Variants in LRRN1 observed in about 807,000 individuals in gnomAD.
LRRN1 encodes the protein leucine rich repeat neuronal 1.
In LRRN1, 14 loss-of-function variants were observed where a neutral mutation model predicts 45.8. The ratio of observed to expected loss-of-function variants is 0.31; its 90% CI spans 0.20 to 0.48. The LOEUF (loss-of-function observed/expected upper bound fraction) is 0.48, where lower values mean the gene tolerates loss of function less well. Ranked by LOEUF, LRRN1 falls within the 20% of genes least tolerant of loss-of-function variation. The pLI, the probability that LRRN1 is intolerant of heterozygous loss-of-function variation, is 0.99. For synonymous variants in LRRN1, 359 were observed against 330.1 expected, an observed-to-expected ratio of 1.09 and a Z score of -0.95; for missense variants, 789 against 874.2, an observed-to-expected ratio of 0.90 and a Z score of 1.23.
intron 1 of LRRN1, among the ~76,000 whole-genome samples, chr3:3,841,430 A>C (rs1341086958): frequency 1.3e-5 from 2 of 152,170 alleles, no homozygotes; most frequent in Non-Finnish European, 2.9e-5. Flanking sequence ...TGGCCAGTGC[A>C]CCTGTTTCAA....
At position 3,845,399 on chromosome 3, in the gene LRRN1, A is replaced by G. The variant is rs755329995; in HGVS notation, c.758A>G (p.Lys253Arg). The G allele has an allele frequency of 8.1e-6, 13 of 1,614,146 alleles. No individual in the cohort carries two copies. In the Admixed American group the frequency reaches 2.2e-4, roughly 27 times the overall value. The change falls in exon 2 of 2, where the codon AAA becomes AGA. Residue 253 changes from lysine to arginine, a missense_variant. Coordinates refer to ENST00000319331, the MANE Select transcript of LRRN1 (RefSeq NM_020873.7). This position sits in a 1 kb window ranked among gnomAD's most constrained non-coding sequence, Gnocchi z 6.5. The part of the protein sequence containing the change: ...SLSFYDNKLV[K>R]VPQLALQKVP... ...TCTTTTTATGATAACAAACTGGTTA[A>G]AGTCCCTCAACTTGCCCTGCAAAAA...
Position 3,844,997 on chromosome 3 carries a change from C to A in LRRN1, c.356C>A (p.Thr119Asn). ...AAGGAGGTCGGGCTGGCAAACCTAACCCAGCTCACAACGCTGCATTTGGAG... is the reference window on the plus strand; with the variant it reads ...AAGGAGGTCGGGCTGGCAAACCTAAACCAGCTCACAACGCTGCATTTGGAG... ...NIKEVGLANL[T>N]QLTTLHLEEN... The change falls in exon 2 of 2, where the codon ACC becomes AAC. Residue 119 changes from threonine (T) to asparagine (N), a missense_variant. Thr to Asn is a moderately conservative substitution (Grantham distance 65). Coordinates refer to ENST00000319331, the MANE Select transcript of LRRN1 (RefSeq NM_020873.7). 1 of 1,614,088 alleles carries A rather than the reference C, an allele frequency of 6.2e-7. No homozygotes were observed. Among genetic ancestry groups the A allele is most frequent in the South Asian group, 1.1e-5 (1 of 91,082 alleles).
intron 1 of LRRN1, among the ~76,000 whole-genome samples, chr3:3,814,703 C>G (rs919161167): frequency 6.6e-6 from 1 of 152,132 alleles, no homozygotes; most frequent in Admixed American, 6.5e-5. Flanking sequence ...CCTTCCATCT[C>G]CTCTGCCATG....
chr3:3,821,629 C>A (rs696488), intron 1 of LRRN1, among the ~76,000 whole-genome samples: 149,939 of 152,254 alleles, frequency 0.98, 73,870 homozygotes, highest in East Asian at 1. Flanking sequence ...TCTCTTTTGC[C>A]TTTCAACTGA....
intron 1 of LRRN1, among the ~76,000 whole-genome samples, chr3:3,830,669 T>G (rs956808176): frequency 6.6e-6 from 1 of 152,184 alleles, no homozygotes; most frequent in Non-Finnish European, 1.5e-5. Context: ...CATGGGCATT[T>G]GAGCCACTTC....
At chr3:3,807,186 A>G (rs992307538) in intron 1 of LRRN1, among the ~76,000 whole-genome samples, 4 of 152,136 alleles carry the variant, frequency 2.6e-5, no homozygotes, top group African/African-American at 4.8e-5. Context: ...CTAATGGCTT[A>G]TCTTAAGCTG....
intron 1 of LRRN1, among the ~76,000 whole-genome samples, chr3:3,805,629 G>T (rs879389994): frequency 1.3e-5 from 2 of 152,192 alleles, no homozygotes; most frequent in East Asian, 3.9e-4. Flanking sequence ...AGAGCTAATG[G>T]TCTGGGTACA....
intron 1 of LRRN1, among the ~76,000 whole-genome samples, chr3:3,805,314 T>C (rs1186008864): frequency 6.6e-6 from 1 of 152,236 alleles, no homozygotes; most frequent in Non-Finnish European, 1.5e-5. Flanking sequence ...AAGAAAAATG[T>C]TAGCATGGCA....
At chr3:3,830,608 G>A (rs1303353614) in intron 1 of LRRN1, among the ~76,000 whole-genome samples, 3 of 152,194 alleles carry the variant, frequency 2.0e-5, no homozygotes, top group Admixed American at 6.5e-5. Context: ...CTCCCCATGA[G>A]GCCATCAGGG....
chr3:3,824,578 A>G (rs1340824997), intron 1 of LRRN1, among the ~76,000 whole-genome samples: 1 of 152,200 alleles, frequency 6.6e-6, no homozygotes, highest in South Asian at 2.1e-4. Context: ...TAATTGATTG[A>G]GCTATCTGTA....
intron 1 of LRRN1, among the ~76,000 whole-genome samples, chr3:3,818,522 T>G (rs1421447450): frequency 6.6e-6 from 1 of 152,196 alleles, no homozygotes; most frequent in East Asian, 1.9e-4. Context: ...AAAACAACTT[T>G]CTTGATCTTA....
chr3:3,815,207 C>G (rs1363294410), intron 1 of LRRN1, among the ~76,000 whole-genome samples: 3 of 152,148 alleles, frequency 2.0e-5, no homozygotes, highest in African/African-American at 7.2e-5. Context: ...CGCCTTTACA[C>G]CAGTGTAAAT....
intron 1 of LRRN1, among the ~76,000 whole-genome samples, chr3:3,802,320 C>G (rs1692671695): frequency 6.6e-6 from 1 of 152,198 alleles, no homozygotes; most frequent in African/African-American, 2.4e-5. Context: ...ATATTAATAC[C>G]TACGACTAAC....
chr3:3,820,142 G>T (rs184419763), intron 1 of LRRN1, among the ~76,000 whole-genome samples: 3 of 152,000 alleles, frequency 2.0e-5, no homozygotes, highest in Admixed American at 6.6e-5. Flanking sequence ...ATATTAATTT[G>T]CCCTGCTAGT....
Position 3,848,124 on chromosome 3 carries a change from C to A in LRRN1, c.*1332C>A, listed in dbSNP as rs1234169528. Among the ~76,000 whole-genome samples the A allele has an allele frequency of 6.6e-6, 1 of 152,068 alleles. No homozygotes were observed. The highest frequency in any genetic ancestry group is 6.5e-5 in the Admixed American group (1 of 15,274). ...TCACAAACTGTATGACATGTTATTT[C>A]TTTTTAACAGTTGTCTATATGCTTA... On this transcript the variant is annotated 3_prime_UTR_variant, in exon 2 of 2. Coordinates refer to ENST00000319331, the MANE Select transcript of LRRN1 (RefSeq NM_020873.7).
At chr3:3,834,046 G>A (rs1210816480) in intron 1 of LRRN1, among the ~76,000 whole-genome samples, 4 of 152,076 alleles carry the variant, frequency 2.6e-5, no homozygotes, top group Admixed American at 6.6e-5. Context: ...AGCTCTTTCT[G>A]TACAGAAGAC....
At position 3,833,871 on chromosome 3, in the gene LRRN1, A is replaced by C. The variant is rs148630641; in HGVS notation, c.-278-10493A>C. ...TTACAAACGTAGTGTCCTCAGCTTC[A>C]TCAGGGTGCTCCCACACATCCCCAT... On this transcript the variant is annotated intron_variant, in intron 1 of 1. Transcript: ENST00000319331. 3.8e-4 allele frequency among the ~76,000 whole-genome samples: 58 copies of C among 152,316 alleles called. No homozygotes were observed. The Middle Eastern group carries it at 0.014, about 36-fold the overall frequency.
At chr3:3,832,689 C>A (rs543422953) in intron 1 of LRRN1, among the ~76,000 whole-genome samples, 7 of 152,248 alleles carry the variant, frequency 4.6e-5, no homozygotes, top group African/African-American at 1.7e-4. Flanking sequence ...TTAAAGGGAC[C>A]CAGCCTCCCC....
intron 1 of LRRN1, among the ~76,000 whole-genome samples, chr3:3,836,988 C>T (rs1374848023): frequency 6.6e-6 from 1 of 152,188 alleles, no homozygotes; most frequent in Non-Finnish European, 1.5e-5. Flanking sequence ...CACAACCCAG[C>T]TGTACTGTCT....
Sources: allele counts gnomAD v4.1 joint callset (sites outside exome capture counted in the v4.1 genomes callset), GRCh38; gene constraint gnomAD v4.1.1; non-coding constraint Gnocchi (gnomAD v3.1); transcripts MANE v1.5; gene names NCBI Gene and HGNC (gene_info 2026-07-23, HGNC 2026-07-21).